Variants in CD74 observed in about 807,000 individuals in gnomAD.
CD74 encodes the protein CD74 molecule, also known as HLA class II histocompatibility antigen gamma chain.
In CD74, 20 loss-of-function variants were observed where a neutral mutation model predicts 37.1. That is an observed-to-expected ratio of 0.54 (90% CI 0.38 to 0.78). The LOEUF is 0.78. CD74 is among the 30% of genes least tolerant of loss of function. The probability of loss-of-function intolerance (pLI) is 0.00; values close to 1 mark genes in which losing one functional copy is unlikely to be tolerated. For missense variants in CD74, 338 were observed against 389.5 expected, an observed-to-expected ratio of 0.87 and a Z score of 1.11; for synonymous variants, 150 against 152.0, an observed-to-expected ratio of 0.99 and a Z score of 0.10.
At position 150,412,873 on chromosome 5, in the gene CD74, A is replaced by G. The variant is rs1355339997; in HGVS notation, c.-124T>C. The G allele has an allele frequency of 5.9e-6, 9 of 1,532,160 alleles. No homozygotes were observed. Among genetic ancestry groups the G allele is most frequent in the Admixed American group, 5.8e-5 (3 of 51,848 alleles). The allele number at this position is 1,532,160 out of a possible 1,614,324, so 94.9% of individuals were successfully genotyped here. On this transcript the variant is annotated 5_prime_UTR_variant, in exon 1 of 9. Coordinates refer to ENST00000009530, the MANE Select transcript of CD74 (RefSeq NM_001025159.3). ...AGTGAAAGCTACAAAGGCTGGAAAT[A>G]CCCCACTTTGGTGAAGCTGCCTTTT...
chr5:150,406,014 G>T, intron 4 of CD74: 1 of 383,836 alleles, frequency 2.6e-6, no homozygotes, highest in Non-Finnish European at 5.0e-6. Context: ...CAGGTGATCT[G>T]CCTGCCTAGG....
In CD74 at chr5:150,402,172, G is replaced by A. The variant is rs2151165290; in HGVS notation, c.*68C>T. The A allele has an allele frequency of 5.1e-6, 8 of 1,570,062 alleles. No individual in the cohort carries two copies. The highest frequency in any genetic ancestry group is 5.2e-6 in the Non-Finnish European group (6 of 1,157,090). On this transcript the variant is annotated 3_prime_UTR_variant, in exon 9 of 9. Coordinates refer to ENST00000009530, the MANE Select transcript of CD74 (RefSeq NM_001025159.3). This position sits in a 1 kb window ranked among gnomAD's most constrained non-coding sequence, Gnocchi z 4.2. ...GTGGGAGATGGGGGAGGGGCTGGGG[G>A]CTGAAGGGAGCAAGAAAGCTGTAGC...
chr5:150,411,970 A>AT lies in CD74; in HGVS notation c.125+654dup, dbSNP rs1436039036. On this transcript the variant is annotated intron_variant, in intron 1 of 8. Coordinates refer to ENST00000009530, the MANE Select transcript of CD74 (RefSeq NM_001025159.3). The stretch of plus-strand genomic sequence containing the variant: ...TCTGGTGCAAGGTCTTTATTTATTT[A>AT]TTTATTTTTTTTGAGACAGAGTGTC... 1.2e-3 allele frequency among the ~76,000 whole-genome samples: 189 copies of AT among 152,064 alleles called. 2 individuals are homozygous for AT. The highest frequency in any genetic ancestry group is 4.4e-3 in the African/African-American group (181 of 41,466).
chr5:150,406,510 T>C (rs1372263681), intron 3 of CD74, among the ~76,000 whole-genome samples, 189 bp from the exon 4 acceptor site: 2 of 152,214 alleles, frequency 1.3e-5, no homozygotes, highest in African/African-American at 4.8e-5. Context: ...AATGTCCTCA[T>C]TGGTCAAACT....
In CD74 at chr5:150,407,063, C is replaced by T; in HGVS notation, c.298+89G>A. The T allele has an allele frequency of 2.6e-6, 4 of 1,549,934 alleles. No individual in the cohort carries two copies. Among genetic ancestry groups the T allele is most frequent in the South Asian group, 1.1e-5 (1 of 87,038 alleles). ...GGAATTCCAAACCGGAGGGAGAGGA[C>T]AGTGGGCCCAGCTGGGTGCAGGGAT... is the stretch of plus-strand genomic sequence containing the variant. On this transcript the variant is annotated intron_variant, in intron 2 of 8. Transcript: ENST00000009530. This position sits in a 1 kb window ranked among gnomAD's most constrained non-coding sequence, Gnocchi z 4.4.
intron 5 of CD74, 79 bp from the exon 6 acceptor site, chr5:150,404,846 A>G: frequency 7.6e-6 from 8 of 1,055,774 alleles, no homozygotes; most frequent in Non-Finnish European, 1.1e-5. Context: ...CCCTGGGGAC[A>G]GAAACATGCA....
chr5:150,409,975 T>C (rs1022338377), intron 1 of CD74, among the ~76,000 whole-genome samples: 1 of 149,122 alleles, frequency 6.7e-6, no homozygotes, highest in African/African-American at 2.5e-5. Context: ...CTCATTCTCA[T>C]TGGCTTGCTG....
intron 1 of CD74, 24 bp downstream of exon 1, chr5:150,412,601 C>G (rs1439271922): frequency 1.9e-6 from 3 of 1,547,986 alleles, no homozygotes; most frequent in East Asian, 2.2e-5. Flanking sequence ...GATCGGTGTG[C>G]CCTTTCCTGG....
intron 1 of CD74, among the ~76,000 whole-genome samples, chr5:150,408,724 T>C (rs1770146659): frequency 6.6e-6 from 1 of 152,218 alleles, no homozygotes; most frequent in Non-Finnish European, 1.5e-5. Context: ...CAGGAGTTTC[T>C]GATCTGTTCT....
chr5:150,404,860 C>T, intron 5 of CD74, 93 bp from the exon 6 acceptor site: 1 of 928,768 alleles, frequency 1.1e-6, no homozygotes, highest in Non-Finnish European at 1.7e-6. Context: ...ACATGCAGGG[C>T]CAAATAGGGC....
At position 150,402,363 on chromosome 5, in the gene CD74, C is replaced by T. The variant is rs2151166398; in HGVS notation, c.881-113G>A. ...AGGACTGTCCACCCTCCCCTGCCCC[C>T]TGCTCAGGTCCAATAATGACCATCA... On this transcript the variant is annotated intron_variant, in intron 8 of 8. Coordinates refer to ENST00000009530, the MANE Select transcript of CD74 (RefSeq NM_001025159.3). This position sits in a 1 kb window ranked among gnomAD's most constrained non-coding sequence, Gnocchi z 4.2. 1.1e-6 allele frequency: 1 copy of T among 901,506 alleles called. No homozygotes were observed. The highest frequency in any genetic ancestry group is 1.9e-5 in the Admixed American group (1 of 52,808). 55.8% of individuals were successfully genotyped at this position (901,506 alleles called of 1,614,324 possible). A position where few individuals can be genotyped will look rare whatever the true frequency, so the allele number is the denominator to read the frequency against.
In CD74 at chr5:150,406,283, C is replaced by G. The variant is rs367553129; in HGVS notation, c.417G>C (p.Glu139Asp). Residue 139 changes from glutamate (E) to aspartate (D), a missense_variant, in exon 4 of 9, where the codon GAG becomes GAC. By Grantham distance (45) the Glu-to-Asp change is conservative. Coordinates refer to ENST00000009530, the MANE Select transcript of CD74 (RefSeq NM_001025159.3). ...CCTGGAGCAGGTGCATCACATGGTCCTCTGTCATGTTGCCATACTTGGTGG... is the reference window on the plus strand; with the variant it reads ...CCTGGAGCAGGTGCATCACATGGTCGTCTGTCATGTTGCCATACTTGGTGG... ...QNATKYGNMT[E>D]DHVMHLLQNA... The G allele has an allele frequency of 1.2e-6, 2 of 1,613,780 alleles. No individual in the cohort carries two copies. Among genetic ancestry groups the G allele is most frequent in the Non-Finnish European group, 1.7e-6 (2 of 1,179,914 alleles).
chr5:150,411,375 G>A (rs1157700893), intron 1 of CD74, among the ~76,000 whole-genome samples: 1 of 152,234 alleles, frequency 6.6e-6, no homozygotes, highest in East Asian at 1.9e-4. Context: ...GATTCCCTGG[G>A]GTTTTCACAG....
rs559946433 is a variant in CD74 at position 150,403,155 on chromosome 5, G to A, written c.783C>T (p.Pro261=). The A allele has an allele frequency of 1.9e-6, 3 of 1,613,992 alleles. No individual in the cohort carries two copies. In the East Asian group the frequency reaches 6.7e-5, roughly 36 times the overall value. The change falls in exon 7 of 9, where the codon CCC becomes CCT. Residue 261 remains proline (P), a synonymous_variant. Transcript: ENST00000009530. The surrounding 1 kb of genome is among the most constrained non-coding windows in gnomAD (Gnocchi z 4.5). ...WCVFPNGTEV[P]NTRSRGHHNC... is the part of the protein sequence containing the mutation. ...TATGGTGCCCGCGGCTTCTGGTGTT[G>A]GGGACCTCCGTGCCGTTGGGGAAGA...
rs2151165439 is a variant in CD74 at position 150,402,203 on chromosome 5, G to A, written c.*37C>T. The A allele has an allele frequency of 6.3e-7, 1 of 1,595,388 alleles. No individual in the cohort carries two copies. Among genetic ancestry groups the A allele is most frequent in the Non-Finnish European group, 8.5e-7 (1 of 1,170,930 alleles). On this transcript the variant is annotated 3_prime_UTR_variant, in exon 9 of 9. Coordinates refer to ENST00000009530, the MANE Select transcript of CD74 (RefSeq NM_001025159.3). This position sits in a 1 kb window ranked among gnomAD's most constrained non-coding sequence, Gnocchi z 4.2. ...GGGAGCAAGAAAGCTGTAGCTGTGT[G>A]GGGCTGGCAGGATGTTGAAGACCGC...
Position 150,406,880 on chromosome 5 carries a change from CCCCCTGGGGCAGGGCT to C in CD74, c.363_378del (p.Ala122ProfsTer11). On this transcript the variant is annotated frameshift_variant and splice_region_variant, in exon 3 of 9. Transcript: ENST00000009530. LOFTEE classifies it high-confidence loss of function. ...TCCCACCACCCTGGGGCTGTCCTTA[CCCCCTGGGGCAGGGCT>C]CCCATGGGCAGCGCCTGCATCAGCA... The C allele has an allele frequency of 6.7e-7, 1 of 1,494,448 alleles. No individual in the cohort carries two copies. Among genetic ancestry groups the C allele is most frequent in the Non-Finnish European group, 8.9e-7 (1 of 1,123,824 alleles). 92.6% of individuals were successfully genotyped at this position (1,494,448 alleles called of 1,614,324 possible).
In CD74 at chr5:150,402,800, G is replaced by C. The variant is rs559858211; in HGVS notation, c.818-175C>G. On this transcript the variant is annotated intron_variant, in intron 7 of 8. Coordinates refer to ENST00000009530, the MANE Select transcript of CD74 (RefSeq NM_001025159.3). This position sits in a 1 kb window ranked among gnomAD's most constrained non-coding sequence, Gnocchi z 4.2. ...GTGTAATGGGGGCTCGAGTGAGAAG[G>C]GGGTGATGAAATGAGATGGGTGGGT... is the stretch of plus-strand genomic sequence containing the variant. 2.0e-3 allele frequency among the ~76,000 whole-genome samples: 303 copies of C among 152,322 alleles called. 1 individual carries two copies. The highest frequency in any genetic ancestry group is 3.1e-3 in the Admixed American group (47 of 15,308).
Position 150,408,747 on chromosome 5 carries a change from G to A in CD74, c.126-1423C>T, listed in dbSNP as rs545525578. On this transcript the variant is annotated intron_variant, in intron 1 of 8. Coordinates refer to ENST00000009530, the MANE Select transcript of CD74 (RefSeq NM_001025159.3). ...TCTGATCTGTTCTTTGACGACCCCA[G>A]GGGTGGGACTACTAAGACCCTAGTC... Among the ~76,000 whole-genome samples, 95 of 152,332 alleles carry A rather than the reference G, an allele frequency of 6.2e-4. 1 individual carries two copies. Among genetic ancestry groups the A allele is most frequent in the Middle Eastern group, 6.8e-3 (2 of 294 alleles).
chr5:150,405,068 C>A lies in CD74; in HGVS notation c.537+17G>T, dbSNP rs1232349319. On this transcript the variant is annotated intron_variant, in intron 5 of 8. Coordinates refer to ENST00000009530, the MANE Select transcript of CD74 (RefSeq NM_001025159.3). ...CCAGAGGAAAGAGAGAGTTCCCATG[C>A]AGGGAAACCTGCTGACCTTCCAGTC... 1 of 1,607,900 alleles carries A rather than the reference C, an allele frequency of 6.2e-7. No homozygotes were observed.
Sources: gnomAD v4.1 joint callset for allele counts (sites outside exome capture counted in the v4.1 genomes callset) on GRCh38, gnomAD v4.1.1 for gene constraint, Gnocchi (gnomAD v3.1) non-coding constraint, MANE v1.5 for transcripts, NCBI Gene and HGNC (gene_info 2026-07-23, HGNC 2026-07-21) for gene names.